The following GNA12 variants were observed in gnomAD, a reference collection of about 807,000 sequenced individuals.
The protein encoded by GNA12 is guanine nucleotide-binding protein subunit alpha-12.
GNA12 carries 9 observed loss-of-function variants against 26.0 expected under a neutral mutation model. The observed-to-expected ratio is 0.35, with a 90% CI of 0.21 to 0.60. The LOEUF is 0.60. GNA12 is among the 20% of genes least tolerant of loss of function. The probability of loss-of-function intolerance (pLI) is 0.78; values close to 1 mark genes in which losing one functional copy is unlikely to be tolerated. For missense variants in GNA12, 405 were observed against 525.8 expected, an observed-to-expected ratio of 0.77 and a Z score of 2.25; for synonymous variants, 264 against 219.6, an observed-to-expected ratio of 1.20 and a Z score of -1.79.
chr7:2,736,607 T>C (rs1477713206), intron 2 of GNA12, among the ~76,000 whole-genome samples: 6 of 152,198 alleles, frequency 3.9e-5, no homozygotes, highest in Non-Finnish European at 8.8e-5. Flanking sequence ...GCCGGGCAGA[T>C]GTGATGTCGT....
intron 2 of GNA12, chr7:2,762,831 A>G (rs1791629092): frequency 2.0e-6 from 3 of 1,506,838 alleles, no homozygotes; most frequent in Non-Finnish European, 1.8e-6. Flanking sequence ...CCACACACCC[A>G]GTCAGCGCGG....
At position 2,731,450 on chromosome 7, in the gene GNA12, G is replaced by C; in HGVS notation, c.877C>G (p.Leu293Val). ...NKLFFNVSII[L>V]FLNKMDLLVE... ...AGGAGGTCCATCTTGTTGAGGAAGA[G>C]AATGATGGAGACGTTGAAGAAGAGC... The change falls in exon 4 of 4, where the codon CTC (leucine) becomes GTC (valine). Residue 293 changes from leucine (L) to valine (V), a missense_variant. Transcript: ENST00000275364. This position sits in a 1 kb window ranked among gnomAD's most constrained non-coding sequence, Gnocchi z 6.0. 1.2e-6 allele frequency: 2 copies of C among 1,613,914 alleles called. No homozygotes were observed. Among genetic ancestry groups the C allele is most frequent in the Non-Finnish European group, 1.7e-6 (2 of 1,179,866 alleles).
intron 2 of GNA12, among the ~76,000 whole-genome samples, chr7:2,743,643 A>T (rs918359684): frequency 6.6e-6 from 1 of 152,126 alleles, no homozygotes; most frequent in East Asian, 1.9e-4. Flanking sequence ...TGCATTTCCA[A>T]CTGAGGTACC....
intron 2 of GNA12, among the ~76,000 whole-genome samples, chr7:2,756,502 C>A (rs1261735824): frequency 1.3e-5 from 2 of 152,054 alleles, no homozygotes; most frequent in Non-Finnish European, 2.9e-5. Context: ...ATAGTCCCAG[C>A]TACTCAGGAG....
In GNA12 at chr7:2,730,232, G is replaced by A. The variant is rs1583200575; in HGVS notation, c.*949C>T. On this transcript the variant is annotated 3_prime_UTR_variant, in exon 4 of 4. Transcript: ENST00000275364. ...AGGAATGTTTCTGAAAGAAGGAAACGCTATGTGCTGCCAACTGTGTGTGAG... is the reference window on the plus strand; with the variant it reads ...AGGAATGTTTCTGAAAGAAGGAAACACTATGTGCTGCCAACTGTGTGTGAG... 6.6e-6 allele frequency: 1 copy of A among 152,430 alleles called. No homozygotes were observed. Among genetic ancestry groups the A allele is most frequent in the East Asian group, 1.9e-4 (1 of 5,344 alleles). 9.4% of individuals were successfully genotyped at this position (152,430 alleles called of 1,614,324 possible). A position where few individuals can be genotyped will look rare whatever the true frequency, so the allele number is the denominator to read the frequency against.
chr7:2,801,979 TTAAAAG>T (rs1285934763), intron 1 of GNA12, among the ~76,000 whole-genome samples: 2 of 152,144 alleles, frequency 1.3e-5, no homozygotes, highest in Non-Finnish European at 2.9e-5. Flanking sequence ...TGCTAAAGTC[TTAAAAG>T]TAAAATACTA....
chr7:2,771,062 G>A (rs558407707), intron 2 of GNA12, among the ~76,000 whole-genome samples: 85 of 152,218 alleles, frequency 5.6e-4, no homozygotes, highest in Middle Eastern at 3.4e-3. Flanking sequence ...AGGCTGAGGT[G>A]GGTGGATCAC....
chr7:2,814,857 C>A (rs758917153), intron 1 of GNA12: 9 of 1,599,240 alleles, frequency 5.6e-6, no homozygotes, highest in Non-Finnish European at 7.7e-6. Flanking sequence ...GCACTGCTCC[C>A]CTCCACAGCA....
At chr7:2,776,538 G>T (rs1031624926) in intron 2 of GNA12, among the ~76,000 whole-genome samples, 3 of 152,240 alleles carry the variant, frequency 2.0e-5, no homozygotes, top group African/African-American at 7.2e-5. Context: ...AACGGCTAAA[G>T]GACGTCCCCA....
intron 2 of GNA12, among the ~76,000 whole-genome samples, chr7:2,770,450 T>G (rs758701768): frequency 6.6e-6 from 1 of 151,842 alleles, no homozygotes; most frequent in Non-Finnish European, 1.5e-5. Context: ...TCCATTGGAG[T>G]TGGCATTAGA....
chr7:2,814,437 T>A, intron 1 of GNA12: 1 of 1,065,776 alleles, frequency 9.4e-7, no homozygotes, highest in Non-Finnish European at 1.5e-6. Context: ...TAAAGACAAT[T>A]AGAGACATCA....
chr7:2,768,588 T>C (rs552196736), intron 2 of GNA12, among the ~76,000 whole-genome samples: 2 of 151,820 alleles, frequency 1.3e-5, no homozygotes, highest in Admixed American at 1.3e-4. Context: ...TCTTTCAAAA[T>C]GGTTATAATG....
At chr7:2,784,646 T>G (rs1792314532) in intron 2 of GNA12, among the ~76,000 whole-genome samples, 1 of 152,184 alleles carries the variant, frequency 6.6e-6, no homozygotes, top group African/African-American at 2.4e-5. Context: ...CACCATGACT[T>G]TAATTTATGT....
At chr7:2,732,275 G>C (rs1789935323) in intron 3 of GNA12, among the ~76,000 whole-genome samples, 1 of 152,184 alleles carries the variant, frequency 6.6e-6, no homozygotes, top group South Asian at 2.1e-4. Context: ...CTCCAGGCCA[G>C]GCACGGTGGC....
At chr7:2,816,819 C>T (rs1366670086) in intron 1 of GNA12, among the ~76,000 whole-genome samples, 2 of 152,194 alleles carry the variant, frequency 1.3e-5, no homozygotes, top group Admixed American at 1.3e-4. Flanking sequence ...TCCATGATTA[C>T]TGTCCCCATT....
At chr7:2,767,600 C>T (rs2115415637) in intron 2 of GNA12, among the ~76,000 whole-genome samples, 1 of 144,818 alleles carries the variant, frequency 6.9e-6, no homozygotes, top group South Asian at 2.1e-4. Context: ...CAACTGTTTC[C>T]CTGTCTTCTT....
intron 2 of GNA12, among the ~76,000 whole-genome samples, chr7:2,784,816 T>C (rs1201112317): frequency 6.6e-6 from 1 of 152,224 alleles, no homozygotes; most frequent in East Asian, 1.9e-4. Context: ...AATTTGTCAT[T>C]TGACTCTTAA....
chr7:2,779,556 G>C (rs377567339), intron 2 of GNA12, among the ~76,000 whole-genome samples: 1 of 151,632 alleles, frequency 6.6e-6, no homozygotes, highest in African/African-American at 2.4e-5. Context: ...CTCTAAAATT[G>C]TTCTCATGGC....
chr7:2,774,978 AT>A (rs1792041593), intron 2 of GNA12, among the ~76,000 whole-genome samples: 1 of 152,210 alleles, frequency 6.6e-6, no homozygotes, highest in South Asian at 2.1e-4. Context: ...ATTTACCGAC[AT>A]CCCTTCCCAA....
Sources: allele counts gnomAD v4.1 joint callset (sites outside exome capture counted in the v4.1 genomes callset), GRCh38; gene constraint gnomAD v4.1.1; non-coding constraint Gnocchi (gnomAD v3.1); transcripts MANE v1.5; gene names NCBI Gene and HGNC (gene_info 2026-07-23, HGNC 2026-07-21).